The following SLC29A4 variants were observed in gnomAD, a reference collection of about 807,000 sequenced individuals.
The protein encoded by SLC29A4 is solute carrier family 29 member 4, also known as equilibrative nucleoside transporter 4.
In SLC29A4, 36 loss-of-function variants were observed where a neutral mutation model predicts 43.9. The ratio of observed to expected loss-of-function variants is 0.82; its 90% CI spans 0.63 to 1.08. The LOEUF (loss-of-function observed/expected upper bound fraction) is 1.08, where lower values mean the gene tolerates loss of function less well. Among genes scored for constraint, SLC29A4 ranks in the 50% least tolerant of loss-of-function variants. The probability of loss-of-function intolerance (pLI) is 0.00; values close to 1 mark genes in which losing one functional copy is unlikely to be tolerated. For synonymous variants in SLC29A4, 491 were observed against 338.0 expected (o/e 1.45, Z -4.97); for missense variants, 869 against 755.3 (o/e 1.15, Z -1.77).
At chr7:5,283,957 T>G (rs942376872) in intron 1 of SLC29A4, among the ~76,000 whole-genome samples, 1 of 151,682 alleles carries the variant, frequency 6.6e-6, no homozygotes, top group African/African-American at 2.4e-5. Context: ...CCTGGGCCAC[T>G]GTGCACTTCA....
rs1562464100 is a variant in SLC29A4 at position 5,306,738 on chromosome 7, G to A, written c.*3799G>A. On this transcript the variant is annotated 3_prime_UTR_variant, in exon 11 of 11. Coordinates refer to ENST00000396872, the MANE Select transcript of SLC29A4 (RefSeq NM_153247.4). ...TCTTGGTGCCCTGATATGGCAGAAT[G>A]CCCCCAGACACCACCCCTACTCCAG... 2 of 152,002 alleles carry A rather than the reference G, an allele frequency of 1.3e-5. No homozygotes were observed. Among genetic ancestry groups the A allele is most frequent in the Non-Finnish European group, 2.9e-5 (2 of 67,978 alleles). The allele number at this position is 152,002 out of a possible 1,614,324, so 9.4% of individuals were successfully genotyped here. A position where few individuals can be genotyped will look rare whatever the true frequency, so the allele number is the denominator to read the frequency against.
At chr7:5,296,775 AGGGCCTGTGGTGGAGGGCGGGGCCTGTGG>A (rs1562450319) in intron 6 of SLC29A4, among the ~76,000 whole-genome samples, 132 bp from the exon 7 acceptor site, 73 of 109,964 alleles carry the variant, frequency 6.6e-4, no homozygotes, top group Non-Finnish European at 1.3e-4. Context: ...GGGTGGGGGC[AGGGCCTGTGGTGGAGGGCGGGGCCTGTGG>A]GTGGGGGCAG....
intron 1 of SLC29A4, 32 bp from the exon 2 acceptor site, chr7:5,287,777 C>G: frequency 6.3e-7 from 1 of 1,599,032 alleles, no homozygotes; most frequent in Non-Finnish European, 8.5e-7. Flanking sequence ...GCCTTCTTCC[C>G]TCACCTGCTC....
At position 5,287,849 on chromosome 7, in the gene SLC29A4, G is replaced by A; in HGVS notation, c.33G>A (p.Glu11=). The part of the protein sequence containing the change: MGSVGSQRLE[E]PSVAGTPDPG... The stretch of plus-strand genomic sequence containing the variant: ...CCGTGGGGAGCCAGCGCCTTGAGGA[G>A]CCCAGCGTGGCAGGCACACCAGACC... Residue 11 remains glutamate, a synonymous_variant, in exon 2 of 11, where the codon GAG becomes GAA. Transcript: ENST00000396872. 1 of 1,611,924 alleles carries A rather than the reference G, an allele frequency of 6.2e-7. No homozygotes were observed. Among genetic ancestry groups the A allele is most frequent in the Non-Finnish European group, 8.5e-7 (1 of 1,179,816 alleles).
chr7:5,284,067 CCT>C (rs1784821735), intron 1 of SLC29A4, among the ~76,000 whole-genome samples: 2 of 132,562 alleles, frequency 1.5e-5, no homozygotes, highest in Admixed American at 1.7e-4. Flanking sequence ...CCTCTCTGTG[CCT>C]CAGTCGCCCT....
intron 1 of SLC29A4, among the ~76,000 whole-genome samples, chr7:5,287,368 T>C (rs1447828371): frequency 6.7e-6 from 1 of 149,292 alleles, no homozygotes; most frequent in Admixed American, 6.8e-5. Context: ...AAATGAGTGA[T>C]GGTTGCACCA....
chr7:5,287,721 C>G (rs1562440915), intron 1 of SLC29A4, 88 bp from the exon 2 acceptor site: 1 of 1,344,538 alleles, frequency 7.4e-7, no homozygotes, highest in Non-Finnish European at 1.0e-6. Context: ...ATGTGTCACT[C>G]CAGGTAGAAG....
At position 5,296,276 on chromosome 7, in the gene SLC29A4, C is replaced by G. The variant is rs114154582; in HGVS notation, c.620-660C>G. 2.8e-3 allele frequency among the ~76,000 whole-genome samples: 420 copies of G among 151,926 alleles called. 1 individual carries two copies. The highest frequency in any genetic ancestry group is 1.0e-2 in the African/African-American group (413 of 41,422). On this transcript the variant is annotated intron_variant, in intron 6 of 10. Transcript: ENST00000396872. ...GCCTGAATCACGCACCATCTTGTTGCATCCATCCTCTTCCCACCCTGCGCC... is the reference window on the plus strand; with the variant it reads ...GCCTGAATCACGCACCATCTTGTTGGATCCATCCTCTTCCCACCCTGCGCC...
At chr7:5,289,228 C>G (rs985879048) in intron 2 of SLC29A4, among the ~76,000 whole-genome samples, 1 of 151,994 alleles carries the variant, frequency 6.6e-6, no homozygotes, top group Admixed American at 6.6e-5. Context: ...AAAATCTCGT[C>G]TGTACAAAAA....
At chr7:5,297,355 G>T (rs1201180858) in intron 7 of SLC29A4, among the ~76,000 whole-genome samples, 157 bp downstream of exon 7, 2 of 152,220 alleles carry the variant, frequency 1.3e-5, no homozygotes, top group East Asian at 1.9e-4. Flanking sequence ...CCTTTATTCT[G>T]TGTACTCTTA....
chr7:5,291,762 G>A lies in SLC29A4; in HGVS notation c.485G>A (p.Arg162Gln), dbSNP rs147984159. Reference protein sequence around the residue: ...ICDVWLQLFSRDQAYAINLAA... With the variant: ...ICDVWLQLFSQDQAYAINLAA... ...GACGTGTGGCTGCAGCTCTTCTCTC[G>A]GGACCAGGCCTACGCCATCAACCTG... Residue 162 changes from arginine (R) to glutamine (Q), a missense_variant, in exon 5 of 11, where the codon CGG (arginine) becomes CAG (glutamine). Transcript: ENST00000396872. The A allele has an allele frequency of 3.4e-5, 54 of 1,611,830 alleles. No individual in the cohort carries two copies. The highest frequency in any genetic ancestry group is 8.8e-5 in the South Asian group (8 of 90,978).
At chr7:5,301,754 G>C (rs1318142975) in intron 10 of SLC29A4, among the ~76,000 whole-genome samples, 1 of 152,180 alleles carries the variant, frequency 6.6e-6, no homozygotes, top group African/African-American at 2.4e-5. Context: ...TTGAGAGGTA[G>C]GGTGTGGGAG....
intron 2 of SLC29A4, among the ~76,000 whole-genome samples, chr7:5,288,248 T>C (rs1785084941): frequency 1.3e-5 from 2 of 150,904 alleles, no homozygotes; most frequent in African/African-American, 2.4e-5. Flanking sequence ...GCTTTTGTGC[T>C]CACTGGGTGG....
At chr7:5,298,290 G>A (rs1785858659) in intron 7 of SLC29A4, among the ~76,000 whole-genome samples, 1 of 152,212 alleles carries the variant, frequency 6.6e-6, no homozygotes, top group African/African-American at 2.4e-5. Flanking sequence ...AGTTCCCTGA[G>A]GGGCTTTTGG....
chr7:5,299,118 C>G lies in SLC29A4; in HGVS notation c.1013C>G (p.Thr338Ser), dbSNP rs575241722. The G allele has an allele frequency of 2.6e-5, 42 of 1,610,016 alleles. No homozygotes were observed. Among genetic ancestry groups the G allele is most frequent in the Non-Finnish European group, 3.1e-5 (37 of 1,178,880 alleles). Residue 338 changes from threonine (T) to serine (S), a missense_variant, in exon 8 of 11, where the codon ACC becomes AGC. Coordinates refer to ENST00000396872, the MANE Select transcript of SLC29A4 (RefSeq NM_153247.4). ...PRPRVQRSWP[T>S]FRALLLHRYV... ...CCAAGGGTCCAGCGCAGCTGGCCCA[C>G]CTTCAGAGGTGAGTGCGGGGAGTCC...
chr7:5,297,368 G>C (rs905942389), intron 7 of SLC29A4, among the ~76,000 whole-genome samples, 170 bp downstream of exon 7: 6 of 152,216 alleles, frequency 3.9e-5, no homozygotes, highest in African/African-American at 1.4e-4. Context: ...TACTCTTACT[G>C]ATGTGGCTTC....
rs757942880 is a variant in SLC29A4, at chr7:5,299,232, C to A, written c.1022-8C>A. 1.2e-6 allele frequency: 2 copies of A among 1,607,828 alleles called. No individual in the cohort carries two copies. Among genetic ancestry groups the A allele is most frequent in the Admixed American group, 1.7e-5 (1 of 59,814 alleles). ...CGCTGCCTCTGACCCCCGCCCGCCA[C>A]CCTCCAGCCCTGTTACTGCACCGCT... On this transcript the variant is annotated splice_polypyrimidine_tract_variant and splice_region_variant and intron_variant, in intron 8 of 10. Transcript: ENST00000396872.
chr7:5,291,790 C>G lies in SLC29A4; in HGVS notation c.513C>G (p.Ala171=), dbSNP rs377356656. The change falls in exon 5 of 11, where the codon GCC becomes GCG. Residue 171 remains alanine (A), a synonymous_variant. Coordinates refer to ENST00000396872, the MANE Select transcript of SLC29A4 (RefSeq NM_153247.4). ...ACCAGGCCTACGCCATCAACCTGGC[C>G]GCTGTGGGCACCGTGGCCTTCGGCT... ...SRDQAYAINL[A]AVGTVAFGCT... The G allele has an allele frequency of 4.3e-6, 7 of 1,611,942 alleles. No homozygotes were observed. In the South Asian group the frequency reaches 7.7e-5, roughly 18 times the overall value.
In SLC29A4 at chr7:5,303,075, G is replaced by C; in HGVS notation, c.*136G>C. 9.3e-7 allele frequency: 1 copy of C among 1,077,510 alleles called. No individual in the cohort carries two copies. Among genetic ancestry groups the C allele is most frequent in the Non-Finnish European group, 1.3e-6 (1 of 760,160 alleles). 66.7% of individuals were successfully genotyped at this position (1,077,510 alleles called of 1,614,324 possible). A position where few individuals can be genotyped will look rare whatever the true frequency, so the allele number is the denominator to read the frequency against. On this transcript the variant is annotated 3_prime_UTR_variant, in exon 11 of 11. Coordinates refer to ENST00000396872, the MANE Select transcript of SLC29A4 (RefSeq NM_153247.4). ...TGTGCCAGCAGCCCCACTCCCTCAG[G>C]GTCCAGCCATGCCCCACCCTGGACT...
Sources: allele counts gnomAD v4.1 joint callset (sites outside exome capture counted in the v4.1 genomes callset), GRCh38; gene constraint gnomAD v4.1.1; transcripts MANE v1.5; gene names NCBI Gene and HGNC (gene_info 2026-07-23, HGNC 2026-07-21).